RDH13: variants seen among roughly 807,000 people sequenced by gnomAD.
RDH13 encodes retinol dehydrogenase 13.
In RDH13, 35 loss-of-function variants were observed where a neutral mutation model predicts 28.3. That is an observed-to-expected ratio of 1.24 (90% CI 0.95 to 1.64). The LOEUF is 1.64. Ranked by LOEUF, RDH13 falls within the 40% of genes most tolerant of loss-of-function variation. RDH13 has a pLI of 0.00. For missense variants in RDH13, 514 were observed against 446.3 expected, an observed-to-expected ratio of 1.15 and a Z score of -1.37; for synonymous variants, 229 against 198.5, an observed-to-expected ratio of 1.15 and a Z score of -1.29.
intron 2 of RDH13, among the ~76,000 whole-genome samples, chr19:55,057,649 GCTAGT>G (rs2075681756): frequency 6.6e-6 from 1 of 151,680 alleles, no homozygotes; most frequent in Non-Finnish European, 1.5e-5. Flanking sequence ...TGTTAGCCAA[GCTAGT>G]CTTGAACTTC....
At chr19:55,045,716 C>T (rs1317301830) in intron 6 of RDH13, among the ~76,000 whole-genome samples, 1 of 151,986 alleles carries the variant, frequency 6.6e-6, no homozygotes, top group East Asian at 1.9e-4. Flanking sequence ...GAGGCCGAGG[C>T]GGGCGGATTA....
rs547912532 is a variant in RDH13, at chr19:55,061,755, T to C, written c.65+1213A>G. On this transcript the variant is annotated intron_variant, in intron 1 of 6. Coordinates refer to ENST00000415061, the MANE Select transcript of RDH13 (RefSeq NM_001145971.2). ...CTGCAGTGAGCTGTGACAGCATGAC[T>C]GCACTCCAGCCTGGGTGACAGAGAG... Among the ~76,000 whole-genome samples, 27 of 150,238 alleles carry C rather than the reference T, an allele frequency of 1.8e-4. No homozygotes were observed. In the South Asian group the frequency reaches 5.7e-3, roughly 32 times the overall value.
intron 2 of RDH13, 117 bp downstream of exon 2, chr19:55,059,040 C>T (rs2075726899): frequency 2.9e-6 from 2 of 678,924 alleles, no homozygotes; most frequent in East Asian, 5.5e-5. Flanking sequence ...CATTCTGTTT[C>T]CCTGTTCATC....
At position 55,044,965 on chromosome 19, in the gene RDH13, C is replaced by T. The variant is rs753678601; in HGVS notation, c.*109G>A. The T allele has an allele frequency of 2.8e-5, 23 of 823,536 alleles. No homozygotes were observed. Among genetic ancestry groups the T allele is most frequent in the South Asian group, 5.2e-5 (3 of 57,574 alleles). 51.0% of individuals were successfully genotyped at this position (823,536 alleles called of 1,614,324 possible). On this transcript the variant is annotated 3_prime_UTR_variant, in exon 7 of 7. Transcript: ENST00000415061. Reference sequence around the variant, plus strand: ...TAGAACCTACTGCGGGCATGGCGGCCGCCAGTCCTGGGTCTCCCGGCTCAG... The same window carrying T: ...TAGAACCTACTGCGGGCATGGCGGCTGCCAGTCCTGGGTCTCCCGGCTCAG...
At chr19:55,066,717 TTGTG>T (rs781259991), upstream of RDH13, among the ~76,000 whole-genome samples, 7 of 150,910 alleles carry the variant, frequency 4.6e-5, no homozygotes, top group Non-Finnish European at 7.4e-5. Context: ...CTCTCTCTTC[TTGTG>T]TGTGTCTCTC....
chr19:55,066,794 C>T (rs1004393157), upstream of RDH13, among the ~76,000 whole-genome samples: 1 of 151,872 alleles, frequency 6.6e-6, no homozygotes, highest in Non-Finnish European at 1.5e-5. Context: ...CTTAAGAGGC[C>T]TCAGCAGTGT....
rs566265997 is a variant in RDH13, at chr19:55,047,216, C to T, written c.760+171G>A. 1.3e-4 allele frequency: 187 copies of T among 1,408,440 alleles called. No homozygotes were observed. In the African/African-American group the frequency reaches 2.5e-3, roughly 19 times the overall value. The allele number at this position is 1,408,440 out of a possible 1,614,324, so 87.2% of individuals were successfully genotyped here. On this transcript the variant is annotated intron_variant, in intron 6 of 6. Transcript: ENST00000415061. ...GCTTCCCGGGGCTGTTAGAGGCTGG[C>T]AGGCCAGGTCAACGGAGGAAAGGGA...
chr19:55,044,263 A>G (rs182253537), downstream of RDH13: 31 of 152,310 alleles, frequency 2.0e-4, no homozygotes, highest in African/African-American at 7.2e-4. Context: ...GCCTTTGTTC[A>G]GCTCATGGGC....
Position 55,062,869 on chromosome 19 carries a change from C to T in RDH13, c.65+99G>A. 4 of 1,087,916 alleles carry T rather than the reference C, an allele frequency of 3.7e-6. No individual in the cohort carries two copies. The East Asian group carries it at 9.6e-5, about 26-fold the overall frequency. The allele number at this position is 1,087,916 out of a possible 1,614,324, so 67.4% of individuals were successfully genotyped here. ...GCACTGCGGGTCGGGAGCTACGGGGCCTGGACCCGGGTGCGAGGGGCGGGG... is the reference window on the plus strand; with the variant it reads ...GCACTGCGGGTCGGGAGCTACGGGGTCTGGACCCGGGTGCGAGGGGCGGGG... On this transcript the variant is annotated intron_variant, in intron 1 of 6. Coordinates refer to ENST00000415061, the MANE Select transcript of RDH13 (RefSeq NM_001145971.2).
rs965918567 is a variant in RDH13 at position 55,045,044 on chromosome 19, C to T, written c.*30G>A. The stretch of plus-strand genomic sequence containing the variant: ...GACAGCTGTCCTCGGTCTGGAGGCG[C>T]CATCCTGGCTTTCAAATCTGCTCCA... On this transcript the variant is annotated 3_prime_UTR_variant, in exon 7 of 7. Coordinates refer to ENST00000415061, the MANE Select transcript of RDH13 (RefSeq NM_001145971.2). 2 of 1,503,410 alleles carry T rather than the reference C, an allele frequency of 1.3e-6. No individual in the cohort carries two copies. The highest frequency in any genetic ancestry group is 2.0e-5 in the Admixed American group (1 of 50,798). The allele number at this position is 1,503,410 out of a possible 1,614,324, so 93.1% of individuals were successfully genotyped here.
chr19:55,063,251 C>A (rs546465704), upstream of RDH13: 398 of 407,552 alleles, frequency 9.8e-4, 9 homozygotes, highest in South Asian at 0.032. Context: ...CGGTCCTGAG[C>A]GCTGTCACAG....
chr19:55,054,525 G>A (rs2075567536), intron 3 of RDH13, among the ~76,000 whole-genome samples: 3 of 152,128 alleles, frequency 2.0e-5, no homozygotes, highest in African/African-American at 7.2e-5. Flanking sequence ...GGCGGAGGCT[G>A]CAGTGAGCCA....
At chr19:55,039,258 A>C (rs1390435342) in exon 3 of RDH13, 1 of 152,222 alleles carries the variant, frequency 6.6e-6, no homozygotes, top group East Asian at 1.9e-4. Context: ...TCAGCCAGGC[A>C]CAGTGGCTCA....
At chr19:55,057,687 C>T (rs955583979) in intron 2 of RDH13, among the ~76,000 whole-genome samples, 1 of 152,050 alleles carries the variant, frequency 6.6e-6, no homozygotes, top group Non-Finnish European at 1.5e-5. Flanking sequence ...ATCCACCCCG[C>T]GGCCTCCCAA....
rs780272978 is a variant in RDH13 at position 55,045,095 on chromosome 19, C to T, written c.975G>A (p.Arg325=). ...GAGGTTATCTGGGGAGGGGCTGCTC[C>T]CTCACAGAGGGAGCCTCTAAGCCCA... ...RLVGLEAPSV[R]EQPLPR Residue 325 remains arginine, a synonymous_variant, in exon 7 of 7, where the codon AGG becomes AGA. Coordinates refer to ENST00000415061, the MANE Select transcript of RDH13 (RefSeq NM_001145971.2). 6.2e-7 allele frequency: 1 copy of T among 1,607,986 alleles called. No homozygotes were observed. Among genetic ancestry groups the T allele is most frequent in the Non-Finnish European group, 8.5e-7 (1 of 1,177,558 alleles).
chr19:55,043,904 C>CTCT (rs1470208426), downstream of RDH13, among the ~76,000 whole-genome samples: 1 of 142,858 alleles, frequency 7.0e-6, no homozygotes. Context: ...GGGCTTTCAT[C>CTCT]TCTAAAAAGT....
chr19:55,065,549 A>G (rs1332971477), upstream of RDH13, among the ~76,000 whole-genome samples: 2 of 151,542 alleles, frequency 1.3e-5, no homozygotes, highest in African/African-American at 4.8e-5. Flanking sequence ...AGATCAGCAA[A>G]CTTTTTCTAC....
chr19:55,047,000 G>A (rs1464757065), intron 6 of RDH13: 2 of 402,672 alleles, frequency 5.0e-6, no homozygotes, highest in Non-Finnish European at 7.4e-6. Context: ...TGACTGTGAG[G>A]TGAGTCCTAT....
chr19:55,041,267 C>G (rs755131210), downstream of RDH13: 2 of 152,314 alleles, frequency 1.3e-5, no homozygotes, highest in African/African-American at 4.8e-5. Context: ...GTGTGAGCCA[C>G]TGTGCCTGGC....
Sources: gnomAD v4.1 joint callset for allele counts (sites outside exome capture counted in the v4.1 genomes callset) on GRCh38, gnomAD v4.1.1 for gene constraint, MANE v1.5 for transcripts, NCBI Gene and HGNC (gene_info 2026-07-23, HGNC 2026-07-21) for gene names.